PKHD1L1: variants seen among roughly 807,000 people sequenced by gnomAD.
The protein encoded by PKHD1L1 is PKHD1 like 1.
PKHD1L1 carries 434 observed loss-of-function variants against 462.9 expected under a neutral mutation model. The observed-to-expected ratio is 0.94, with a 90% CI of 0.87 to 1.02. The LOEUF (loss-of-function observed/expected upper bound fraction) is 1.02. PKHD1L1 is among the 50% of genes least tolerant of loss of function. The probability of loss-of-function intolerance (pLI) is 0.00; values close to 1 mark genes in which losing one functional copy is unlikely to be tolerated. For synonymous variants in PKHD1L1, 1,781 were observed against 1,750.0 expected (o/e 1.02, Z -0.44); for missense variants, 5,202 against 5,096.1 (o/e 1.02, Z -0.63).
intron 2 of PKHD1L1, among the ~76,000 whole-genome samples, chr8:109,375,889 T>G (rs556388314): frequency 7.2e-5 from 11 of 152,318 alleles, no homozygotes; most frequent in African/African-American, 2.6e-4. Flanking sequence ...TACCCAGCCA[T>G]GTGAGGTGTC....
rs768727330 is a variant in PKHD1L1, at chr8:109,497,151, C to A, written c.10478C>A (p.Thr3493Asn). Reference sequence around the variant, plus strand: ...TGTAACCTGCAAATTCTATTGCAGACCACAGAGAGTGTGCACATTTATAAT... The same window carrying A: ...TGTAACCTGCAAATTCTATTGCAGAACACAGAGAGTGTGCACATTTATAAT... ...TCWDYGIYFQ[T>N]TESVHIYNVT... Residue 3493 changes from threonine to asparagine, a missense_variant and splice_region_variant, in exon 65 of 78, where the codon ACC becomes AAC. By Grantham distance (65) the Thr-to-Asn change is moderately conservative (BLOSUM62 0). This residue lies in a region of PKHD1L1 where 4,497 missense variants were observed against 4,336.8 expected (regional missense o/e 1.04). Coordinates refer to ENST00000378402, the MANE Select transcript of PKHD1L1 (RefSeq NM_177531.6). The A allele has an allele frequency of 2.5e-6, 4 of 1,613,680 alleles. No individual in the cohort carries two copies. Among genetic ancestry groups the A allele is most frequent in the Non-Finnish European group, 3.4e-6 (4 of 1,179,716 alleles).
chr8:109,523,135 TATA>T (rs1820637438), intron 75 of PKHD1L1, 95 bp from the exon 76 acceptor site: 2 of 1,215,952 alleles, frequency 1.6e-6, no homozygotes, highest in East Asian at 2.5e-5. Context: ...ATTTTCAATT[TATA>T]ATGAGGCATT....
intron 21 of PKHD1L1, among the ~76,000 whole-genome samples, chr8:109,416,277 C>T (rs1196008891): frequency 6.6e-6 from 1 of 152,100 alleles, no homozygotes; most frequent in Non-Finnish European, 1.5e-5. Context: ...ACACATGTTT[C>T]CACAGAATGT....
At chr8:109,391,526 T>A (rs1812711143) in intron 9 of PKHD1L1, among the ~76,000 whole-genome samples, 1 of 152,174 alleles carries the variant, frequency 6.6e-6, no homozygotes, top group Non-Finnish European at 1.5e-5. Context: ...GTGGGCAGTA[T>A]CATGATGTGC....
At chr8:109,448,441 T>G (rs1816286364) in intron 39 of PKHD1L1, 50 bp downstream of exon 39, 1 of 1,504,918 alleles carries the variant, frequency 6.6e-7, no homozygotes, top group African/African-American at 1.4e-5. Context: ...CAGTAAACAC[T>G]TATTTAGAAA....
intron 6 of PKHD1L1, among the ~76,000 whole-genome samples, chr8:109,386,635 A>G (rs1252559811): frequency 2.0e-5 from 3 of 152,076 alleles, no homozygotes; most frequent in Non-Finnish European, 4.4e-5. Flanking sequence ...CTAATTCCTT[A>G]TGTGTAATAA....
At chr8:109,467,718 C>A (rs527879891) in intron 50 of PKHD1L1, among the ~76,000 whole-genome samples, 1 of 152,212 alleles carries the variant, frequency 6.6e-6, no homozygotes, top group South Asian at 2.1e-4. Context: ...ATATACTGTT[C>A]TGAGGGACTG....
intron 45 of PKHD1L1, among the ~76,000 whole-genome samples, chr8:109,455,255 T>G (rs1233127216): frequency 6.6e-6 from 1 of 152,186 alleles, no homozygotes; most frequent in African/African-American, 2.4e-5. Flanking sequence ...GGAGAATCAC[T>G]TGAACCCAGG....
intron 50 of PKHD1L1, among the ~76,000 whole-genome samples, chr8:109,473,450 A>G (rs554419155): frequency 6.6e-6 from 1 of 151,876 alleles, no homozygotes; most frequent in African/African-American, 2.4e-5. Flanking sequence ...CAGGAGGCAG[A>G]GTTTGCAGTG....
intron 50 of PKHD1L1, among the ~76,000 whole-genome samples, chr8:109,468,683 C>A (rs533628614): frequency 1.6e-4 from 24 of 152,310 alleles, no homozygotes; most frequent in African/African-American, 4.3e-4. Flanking sequence ...CCATCACTTG[C>A]CCTTGATAAG....
intron 9 of PKHD1L1, among the ~76,000 whole-genome samples, chr8:109,392,357 A>G (rs1812751111): frequency 6.6e-6 from 1 of 152,190 alleles, no homozygotes; most frequent in Non-Finnish European, 1.5e-5. Context: ...CGTGATTGAT[A>G]AGTACCCATA....
intron 71 of PKHD1L1, among the ~76,000 whole-genome samples, chr8:109,511,629 A>G (rs1819989100): frequency 1.3e-5 from 2 of 151,952 alleles, no homozygotes; most frequent in South Asian, 4.2e-4. Flanking sequence ...AGTCTTTGCT[A>G]TTGTGAATAG....
At chr8:109,383,543 C>T (rs1812282323) in intron 4 of PKHD1L1, among the ~76,000 whole-genome samples, 2 of 144,062 alleles carry the variant, frequency 1.4e-5, no homozygotes, top group Non-Finnish European at 3.0e-5. Context: ...TTGTCAATTA[C>T]TGAGTAGTAC....
chr8:109,429,925 CTTGAAGG>C lies in PKHD1L1; in HGVS notation c.3124_3130del (p.Val1042SerfsTer25). ...TGTTCTGTAGCTTCTTGTTTCTTTA[CTTGAAGG>C]TTGAAGTCTATGTCAATGGAATTCC... On this transcript the variant is annotated splice_acceptor_variant and splice_polypyrimidine_tract_variant and coding_sequence_variant and intron_variant, in exon 27 of 78. Coordinates refer to ENST00000378402, the MANE Select transcript of PKHD1L1 (RefSeq NM_177531.6). LOFTEE classifies it high-confidence loss of function. 1.3e-6 allele frequency: 2 copies of C among 1,597,854 alleles called. No individual in the cohort carries two copies. The highest frequency in any genetic ancestry group is 1.7e-6 in the Non-Finnish European group (2 of 1,166,410).
rs760659619 is a variant in PKHD1L1, at chr8:109,452,868, A to C, written c.6658A>C (p.Ile2220Leu). Residue 2220 changes from isoleucine to leucine, a missense_variant, in exon 43 of 78, where the codon ATT becomes CTT. Ile to Leu is a conservative substitution (Grantham distance 5). Around this residue, in one of 3 missense-constraint regions of PKHD1L1, gnomAD observed 4,497 missense variants for 4,336.8 expected, o/e 1.04. Transcript: ENST00000378402. ...CACCCCTATTTTGAAAATGTTGCTT[A>C]TTCAGGGTAAATTTCTGAATATCTG... ...QSTPILKMLL[I>L]QGGTLIFDEA... The C allele has an allele frequency of 1.4e-6, 2 of 1,434,112 alleles. No individual in the cohort carries two copies. Among genetic ancestry groups the C allele is most frequent in the Non-Finnish European group, 9.2e-7 (1 of 1,088,390 alleles). The allele number at this position is 1,434,112 out of a possible 1,614,324, so 88.8% of individuals were successfully genotyped here. A position where few individuals can be genotyped will look rare whatever the true frequency, so the allele number is the denominator to read the frequency against.
chr8:109,412,358 G>A lies in PKHD1L1; in HGVS notation c.2179G>A (p.Asp727Asn). 1 of 1,613,670 alleles carries A rather than the reference G, an allele frequency of 6.2e-7. No homozygotes were observed. Among genetic ancestry groups the A allele is most frequent in the Non-Finnish European group, 8.5e-7 (1 of 1,179,688 alleles). Residue 727 changes from aspartate (D) to asparagine (N), a missense_variant, in exon 20 of 78, where the codon GAT becomes AAT. Transcript: ENST00000378402. ...KNPAVLFDSADVKPNRRPYGD... is the reference protein window; with the variant it reads ...KNPAVLFDSANVKPNRRPYGD... Reference sequence around the variant, plus strand: ...CCCAGCTGTTCTTTTTGACTCAGCAGATGTTAAACCAAACAGACGACCATA... The same window carrying A: ...CCCAGCTGTTCTTTTTGACTCAGCAAATGTTAAACCAAACAGACGACCATA...
Position 109,522,177 on chromosome 8 carries a change from T to C in PKHD1L1, c.12032-9T>C. ...TATAATCCAAATGTCATAATACTTTTCCCCATAGGTCAGATGCAGTTATCT... is the reference window on the plus strand; with the variant it reads ...TATAATCCAAATGTCATAATACTTTCCCCCATAGGTCAGATGCAGTTATCT... On this transcript the variant is annotated splice_polypyrimidine_tract_variant and intron_variant, in intron 73 of 77. Transcript: ENST00000378402. 1.3e-6 allele frequency: 2 copies of C among 1,586,656 alleles called. No individual in the cohort carries two copies. The highest frequency in any genetic ancestry group is 1.7e-6 in the Non-Finnish European group (2 of 1,159,066).
At chr8:109,399,711 A>G (rs1813173211) in intron 12 of PKHD1L1, among the ~76,000 whole-genome samples, 2 of 152,158 alleles carry the variant, frequency 1.3e-5, no homozygotes, top group South Asian at 4.1e-4. Context: ...TGAATCTTGA[A>G]GTTTCGCAAC....
At chr8:109,395,505 G>T (rs528936727) in intron 10 of PKHD1L1, among the ~76,000 whole-genome samples, 2 of 152,290 alleles carry the variant, frequency 1.3e-5, no homozygotes, top group African/African-American at 4.8e-5. Context: ...AGAATACATA[G>T]ATATTTGATA....
Sources: gnomAD v4.1 joint callset for allele counts (sites outside exome capture counted in the v4.1 genomes callset) on GRCh38, gnomAD v4.1.1 for gene constraint, gnomAD v4.1.1 regional missense constraint, MANE v1.5 for transcripts, NCBI Gene and HGNC (gene_info 2026-07-23, HGNC 2026-07-21) for gene names.